OSBPL5: variants seen among roughly 807,000 people sequenced by gnomAD.
The protein encoded by OSBPL5 is oxysterol-binding protein-related protein 5.
A neutral mutation model predicts 111.2 loss-of-function variants in OSBPL5; 71 were observed. The observed-to-expected ratio is 0.64, with a 90% CI of 0.53 to 0.78. The LOEUF (loss-of-function observed/expected upper bound fraction) is 0.78, where lower values mean the gene tolerates loss of function less well. Ranked by LOEUF, OSBPL5 falls within the 30% of genes least tolerant of loss-of-function variation. The pLI, the probability that OSBPL5 is intolerant of heterozygous loss-of-function variation, is 0.00. For missense variants in OSBPL5, 1,210 were observed against 1,189.3 expected (o/e 1.02, Z -0.26); for synonymous variants, 549 against 513.9 (o/e 1.07, Z -0.93).
rs951453537 is a variant in OSBPL5 at position 3,113,048 on chromosome 11, T to C, written c.692-5103A>G. ...ATGTGTCGTGTACACAATGTTTCAC[T>C]ACTGAAAATATATAAAAGGGCTCTA... is the stretch of plus-strand genomic sequence containing the variant. On this transcript the variant is annotated intron_variant, in intron 7 of 21. Coordinates refer to ENST00000263650, the MANE Select transcript of OSBPL5 (RefSeq NM_020896.4). This position sits in a 1 kb window ranked among gnomAD's most constrained non-coding sequence, Gnocchi z 4.8. Among the ~76,000 whole-genome samples the C allele has an allele frequency of 1.3e-5, 2 of 152,240 alleles. No homozygotes were observed. Among genetic ancestry groups the C allele is most frequent in the Non-Finnish European group, 2.9e-5 (2 of 68,040 alleles).
At chr11:3,132,072 C>T (rs1248165204) in intron 1 of OSBPL5, among the ~76,000 whole-genome samples, 1 of 151,224 alleles carries the variant, frequency 6.6e-6, no homozygotes, top group East Asian at 1.9e-4. Flanking sequence ...TGCCACCCCT[C>T]TATCCCTCCT....
At chr11:3,094,587 G>A (rs961478298) in intron 14 of OSBPL5, 35 of 486,922 alleles carry the variant, frequency 7.2e-5, no homozygotes, top group Non-Finnish European at 1.1e-4. Context: ...TGGGAGGCAC[G>A]CCTGGTCCCT....
At chr11:3,090,827 T>C (rs1056585707) in intron 19 of OSBPL5, 131 bp from the exon 20 acceptor site, 12 of 1,255,484 alleles carry the variant, frequency 9.6e-6, no homozygotes, top group Non-Finnish European at 1.3e-5. Context: ...GCTGCTGGGC[T>C]GTGGAGCTGG....
At chr11:3,131,732 A>ATCCATCCATCCC (rs1845796202) in intron 1 of OSBPL5, among the ~76,000 whole-genome samples, 1 of 139,102 alleles carries the variant, frequency 7.2e-6, no homozygotes, top group Admixed American at 7.0e-5. Flanking sequence ...CCATCCATCC[A>ATCCATCCATCCC]TCCTCCCAGG....
In OSBPL5 at chr11:3,121,984, G is replaced by C. The variant is rs76596605; in HGVS notation, c.402+13C>G. On this transcript the variant is annotated intron_variant, in intron 5 of 21. Coordinates refer to ENST00000263650, the MANE Select transcript of OSBPL5 (RefSeq NM_020896.4). The surrounding 1 kb of genome is among the most constrained non-coding windows in gnomAD (Gnocchi z 4.3). ...CCCGTGTCCTGGGTGGCCGGAGGCCGGGCATCACCTACCTTCAGGCTGTCA... is the reference window on the plus strand; with the variant it reads ...CCCGTGTCCTGGGTGGCCGGAGGCCCGGCATCACCTACCTTCAGGCTGTCA... 1.3e-6 allele frequency: 2 copies of C among 1,550,674 alleles called. No homozygotes were observed. The highest frequency in any genetic ancestry group is 4.8e-5 in the East Asian group (2 of 42,024).
chr11:3,100,664 G>A (rs961173057), intron 13 of OSBPL5, among the ~76,000 whole-genome samples: 2 of 152,148 alleles, frequency 1.3e-5, no homozygotes, highest in Non-Finnish European at 2.9e-5. Context: ...TGGGAAAGGT[G>A]GGCTGAACCT....
chr11:3,099,212 G>A (rs925893013), intron 14 of OSBPL5, among the ~76,000 whole-genome samples: 4 of 152,220 alleles, frequency 2.6e-5, no homozygotes, highest in Non-Finnish European at 4.4e-5. Flanking sequence ...GGCCTGGAGG[G>A]ACTGAGGAAT....
At chr11:3,124,105 A>G (rs1048260732) in intron 3 of OSBPL5, among the ~76,000 whole-genome samples, 9 of 152,206 alleles carry the variant, frequency 5.9e-5, no homozygotes, top group African/African-American at 1.7e-4. Flanking sequence ...TAGATCCCAC[A>G]GCTCAGGTCA....
chr11:3,092,532 TC>T lies in OSBPL5; in HGVS notation c.2158del (p.Asp720ThrfsTer121). Reference sequence around the variant, plus strand: ...CCCGTCTTGCTCAAACTGGGCGATGTCCTTCAGGGGGTCCCAGGGGCTGTGG... The same window carrying T: ...CCCGTCTTGCTCAAACTGGGCGATGTCTTCAGGGGGTCCCAGGGGCTGTGG... ...EDHSPWDPLKDIAQFEQDGIL... is the reference protein window; with the variant it reads ...EDHSPWDPLKXIAQFEQDGIL... On this transcript the variant is annotated frameshift_variant, in exon 19 of 22. Transcript: ENST00000263650. LOFTEE classifies it high-confidence loss of function. This position sits in a 1 kb window ranked among gnomAD's most constrained non-coding sequence, Gnocchi z 5.4. 6.3e-7 allele frequency: 1 copy of T among 1,590,918 alleles called. No individual in the cohort carries two copies. Among genetic ancestry groups the T allele is most frequent in the Non-Finnish European group, 8.6e-7 (1 of 1,169,006 alleles).
chr11:3,113,650 G>A lies in OSBPL5; in HGVS notation c.692-5705C>T, dbSNP rs541041396. Among the ~76,000 whole-genome samples, 138 of 118,594 alleles carry A rather than the reference G, an allele frequency of 1.2e-3. No individual in the cohort carries two copies. The highest frequency in any genetic ancestry group is 2.9e-3 in the African/African-American group (98 of 33,244). The allele number at this position is 118,594 out of a possible 152,430, so 77.8% of individuals were successfully genotyped here. ...GCCTGGGAGACTAGAGCAAGACTCCGTCTCAAAAAAAAAAAAATTTATATT... is the reference window on the plus strand; with the variant it reads ...GCCTGGGAGACTAGAGCAAGACTCCATCTCAAAAAAAAAAAAATTTATATT... On this transcript the variant is annotated intron_variant, in intron 7 of 21. Coordinates refer to ENST00000263650, the MANE Select transcript of OSBPL5 (RefSeq NM_020896.4). The surrounding 1 kb of genome is among the most constrained non-coding windows in gnomAD (Gnocchi z 4.8).
chr11:3,134,721 C>T (rs982660245), intron 1 of OSBPL5, among the ~76,000 whole-genome samples: 6 of 150,806 alleles, frequency 4.0e-5, no homozygotes, highest in Non-Finnish European at 5.9e-5. Context: ...TGCCATGTGG[C>T]GGGATGGGCC....
At chr11:3,149,837 G>A (rs1023263298) in intron 1 of OSBPL5, among the ~76,000 whole-genome samples, 1 of 152,234 alleles carries the variant, frequency 6.6e-6, no homozygotes, top group Admixed American at 6.5e-5. Flanking sequence ...GCTGGTGAGT[G>A]TTCCCTGTGT....
rs1857668334 is a variant in OSBPL5, at chr11:3,105,703, C to T, written c.1060-1326G>A. Among the ~76,000 whole-genome samples, 1 of 152,172 alleles carries T rather than the reference C, an allele frequency of 6.6e-6. No individual in the cohort carries two copies. Among genetic ancestry groups the T allele is most frequent in the South Asian group, 2.1e-4 (1 of 4,834 alleles). On this transcript the variant is annotated intron_variant, in intron 9 of 21. Transcript: ENST00000263650. The surrounding 1 kb of genome is among the most constrained non-coding windows in gnomAD (Gnocchi z 5.2). ...CCTGGATCCTCCCACCTCCCTGCCCCACCTCTGTGAAGCCTTATCTGTGCT... is the reference window on the plus strand; with the variant it reads ...CCTGGATCCTCCCACCTCCCTGCCCTACCTCTGTGAAGCCTTATCTGTGCT...
intron 14 of OSBPL5, among the ~76,000 whole-genome samples, chr11:3,098,175 T>C (rs1857338011): frequency 6.6e-6 from 1 of 151,128 alleles, no homozygotes; most frequent in African/African-American, 2.4e-5. Context: ...GAAAACTCAG[T>C]GGATGAGTTA....
In OSBPL5 at chr11:3,090,637, C is replaced by G. The variant is rs943681773; in HGVS notation, c.2319G>C (p.Gln773His). 1.2e-6 allele frequency: 2 copies of G among 1,612,772 alleles called. No individual in the cohort carries two copies. The highest frequency in any genetic ancestry group is 2.7e-5 in the African/African-American group (2 of 74,944). ...KASDQPSGHS[Q>H]ATESSGSTPE... is the part of the protein sequence containing the mutation. ...GCGTGGATCCGCTGCTCTCCGTGGC[C>G]TGGCTGTGGCCGGAGGGCTGGTCGC... The change falls in exon 20 of 22, where the codon CAG becomes CAC. Residue 773 changes from glutamine to histidine, a missense_variant. By Grantham distance (24) the Gln-to-His change is conservative. Coordinates refer to ENST00000263650, the MANE Select transcript of OSBPL5 (RefSeq NM_020896.4).
At chr11:3,097,144 G>A (rs1224188345) in intron 14 of OSBPL5, among the ~76,000 whole-genome samples, 3 of 151,872 alleles carry the variant, frequency 2.0e-5, no homozygotes, top group African/African-American at 7.3e-5. Flanking sequence ...GATGGGAGGA[G>A]GAGGAGAGGA....
intron 11 of OSBPL5, among the ~76,000 whole-genome samples, chr11:3,102,582 C>T (rs963343669): frequency 1.3e-5 from 2 of 152,232 alleles, no homozygotes; most frequent in African/African-American, 4.8e-5. Context: ...AACCTGCACA[C>T]AGCCTGCTGA....
intron 10 of OSBPL5, among the ~76,000 whole-genome samples, chr11:3,103,819 C>CAACCCTCTTCCAGCTCT (rs1564830449): frequency 1.8e-4 from 8 of 44,010 alleles, no homozygotes; most frequent in African/African-American, 2.1e-4. Flanking sequence ...TTCCTGCCTG[C>CAACCCTCTTCCAGCTCT]GCAGCCCCCT....
Position 3,142,069 on chromosome 11 carries a change from T to C in OSBPL5, c.-21-12900A>G, listed in dbSNP as rs1846137337. On this transcript the variant is annotated intron_variant, in intron 1 of 21. Coordinates refer to ENST00000263650, the MANE Select transcript of OSBPL5 (RefSeq NM_020896.4). This position sits in a 1 kb window ranked among gnomAD's most constrained non-coding sequence, Gnocchi z 7.1. ...CTGGGACTACAGGCACCTGCCACGATGACCGGCTAAAATTTTTTTGTATTT... is the reference window on the plus strand; with the variant it reads ...CTGGGACTACAGGCACCTGCCACGACGACCGGCTAAAATTTTTTTGTATTT... Among the ~76,000 whole-genome samples the C allele has an allele frequency of 6.6e-6, 1 of 152,188 alleles. No homozygotes were observed. Among genetic ancestry groups the C allele is most frequent in the Admixed American group, 6.5e-5 (1 of 15,274 alleles).
Sources: allele counts gnomAD v4.1 joint callset (sites outside exome capture counted in the v4.1 genomes callset), GRCh38; gene constraint gnomAD v4.1.1; non-coding constraint Gnocchi (gnomAD v3.1); transcripts MANE v1.5; gene names NCBI Gene and HGNC (gene_info 2026-07-23, HGNC 2026-07-21).